Variants in CAST observed in about 807,000 individuals in gnomAD.
CAST encodes the protein calpastatin.
In CAST, 76 loss-of-function variants were observed where a neutral mutation model predicts 119.6. The observed-to-expected ratio is 0.64, with a 90% CI of 0.53 to 0.77. The LOEUF (loss-of-function observed/expected upper bound fraction) is 0.77. Among genes scored for constraint, CAST ranks in the 30% least tolerant of loss-of-function variants. The probability of loss-of-function intolerance (pLI) is 0.00; values close to 1 mark genes in which losing one functional copy is unlikely to be tolerated. For synonymous variants in CAST, 319 were observed against 331.6 expected (o/e 0.96, Z 0.41); for missense variants, 953 against 946.5 (o/e 1.01, Z -0.09).
At chr5:96,282,587 A>G in the CAST span, among the ~76,000 whole-genome samples, 1 of 152,080 alleles carries the variant, frequency 6.6e-6, no homozygotes, top group African/African-American at 2.4e-5. Context: ...AAGGGTTTTT[A>G]TTTTTTATGA....
chr5:96,542,512 T>C (rs917038781), intron 1 of CAST, among the ~76,000 whole-genome samples: 4 of 152,174 alleles, frequency 2.6e-5, no homozygotes, highest in African/African-American at 9.7e-5. Context: ...GCTGTTTTAA[T>C]TGCAATCTTT....
At chr5:96,362,701 T>G in the CAST span, among the ~76,000 whole-genome samples, 1 of 152,242 alleles carries the variant, frequency 6.6e-6, no homozygotes, top group Non-Finnish European at 1.5e-5. Context: ...CTCTTGTAAA[T>G]TATCTTGAGT....
the CAST span, among the ~76,000 whole-genome samples, chr5:96,418,020 T>C: frequency 6.6e-6 from 1 of 152,240 alleles, no homozygotes; most frequent in Non-Finnish European, 1.5e-5. Flanking sequence ...ATCAATCTGC[T>C]GACAGACATC....
At chr5:95,973,891 G>T in the CAST span, among the ~76,000 whole-genome samples, 3 of 152,070 alleles carry the variant, frequency 2.0e-5, no homozygotes, top group Admixed American at 1.3e-4. Flanking sequence ...GACTCAGAAG[G>T]GTTGTAGCTA....
At chr5:96,232,396 C>A in the CAST span, among the ~76,000 whole-genome samples, 1 of 152,136 alleles carries the variant, frequency 6.6e-6, no homozygotes, top group South Asian at 2.1e-4. Flanking sequence ...TAAATAAAAA[C>A]TACAAGGATT....
chr5:96,697,036 T>C (rs1266151780), intron 3 of CAST, among the ~76,000 whole-genome samples: 1 of 151,682 alleles, frequency 6.6e-6, no homozygotes, highest in Admixed American at 6.6e-5. Flanking sequence ...TGTGTGGTGG[T>C]GCGCACCTGT....
the CAST span, among the ~76,000 whole-genome samples, chr5:96,034,821 A>G: frequency 6.6e-6 from 1 of 150,746 alleles, no homozygotes; most frequent in Non-Finnish European, 1.5e-5. Context: ...CTACTTTTAT[A>G]AGATTAACAT....
chr5:96,665,786 AC>A (rs1183266460), intron 1 of CAST, among the ~76,000 whole-genome samples: 2 of 152,000 alleles, frequency 1.3e-5, no homozygotes, highest in Non-Finnish European at 2.9e-5. Flanking sequence ...ACAAACATAT[AC>A]AATCCAATAT....
the CAST span, among the ~76,000 whole-genome samples, chr5:96,147,686 C>T: frequency 2.0e-5 from 3 of 152,178 alleles, no homozygotes; most frequent in Non-Finnish European, 4.4e-5. Context: ...TTTGTTACAT[C>T]ATTCTAGCTG....
At chr5:96,339,430 T>G in the CAST span, among the ~76,000 whole-genome samples, 1 of 152,210 alleles carries the variant, frequency 6.6e-6, no homozygotes, top group African/African-American at 2.4e-5. Context: ...GTTCAAGTTA[T>G]TGCCATTCAC....
chr5:96,677,803 G>T (rs1258848005), intron 2 of CAST, among the ~76,000 whole-genome samples: 2 of 152,294 alleles, frequency 1.3e-5, no homozygotes, highest in African/African-American at 2.4e-5. Flanking sequence ...GGCAAAGAAT[G>T]ATTTGTGAAT....
the CAST span, among the ~76,000 whole-genome samples, chr5:96,338,667 C>G: frequency 2.0e-5 from 3 of 152,132 alleles, no homozygotes; most frequent in Non-Finnish European, 4.4e-5. Context: ...TATTATATTT[C>G]TCTTTCTGGA....
the CAST span, among the ~76,000 whole-genome samples, chr5:96,106,366 A>T: frequency 6.6e-6 from 1 of 152,176 alleles, no homozygotes; most frequent in African/African-American, 2.4e-5. Flanking sequence ...ATTTAGTGCT[A>T]TAAATTTCCC....
chr5:96,469,478 T>C, the CAST span, among the ~76,000 whole-genome samples: 1 of 151,994 alleles, frequency 6.6e-6, no homozygotes, highest in African/African-American at 2.4e-5. Context: ...GGCTAGGAAT[T>C]TTTAAAGATT....
At chr5:96,233,023 T>G in the CAST span, among the ~76,000 whole-genome samples, 2 of 152,078 alleles carry the variant, frequency 1.3e-5, no homozygotes, top group African/African-American at 4.8e-5. Context: ...GGAAACAACC[T>G]AACAACCCAC....
chr5:96,016,829 GTTTT>G, the CAST span, among the ~76,000 whole-genome samples: 19 of 97,658 alleles, frequency 1.9e-4, no homozygotes, highest in Non-Finnish European at 2.7e-4. Context: ...GGTTATCTGG[GTTTT>G]TTTTTTTTTT....
chr5:96,110,559 A>G, the CAST span, among the ~76,000 whole-genome samples: 15 of 152,300 alleles, frequency 9.8e-5, no homozygotes, highest in African/African-American at 3.4e-4. Context: ...CCTCACATTT[A>G]TATAACTTCA....
chr5:95,962,392 G>T, the CAST span, among the ~76,000 whole-genome samples: 1 of 152,236 alleles, frequency 6.6e-6, no homozygotes, highest in Non-Finnish European at 1.5e-5. Flanking sequence ...AGGAGGACTC[G>T]CTAGAGAGCT....
chr5:96,125,916 A>C, the CAST span, among the ~76,000 whole-genome samples: 1 of 152,240 alleles, frequency 6.6e-6, no homozygotes, highest in Admixed American at 6.5e-5. Flanking sequence ...GACATTGCTT[A>C]CTAGGAGAAA....
Sources: gnomAD v4.1 joint callset for allele counts (sites outside exome capture counted in the v4.1 genomes callset) on GRCh38, gnomAD v4.1.1 for gene constraint, MANE v1.5 for transcripts, NCBI Gene and HGNC (gene_info 2026-07-23, HGNC 2026-07-21) for gene names.